Variants in LILRB1 observed in about 807,000 individuals in gnomAD.
LILRB1 encodes leukocyte immunoglobulin like receptor B1, also known as leukocyte immunoglobulin-like receptor subfamily B member 1.
LILRB1 carries 59 observed loss-of-function variants against 74.6 expected under a neutral mutation model. That is an observed-to-expected ratio of 0.79 (90% CI 0.64 to 0.98). The LOEUF is 0.98. Ranked by LOEUF, LILRB1 falls within the 50% of genes least tolerant of loss-of-function variation. The pLI is 0.00. For synonymous variants in LILRB1, 328 were observed against 333.9 expected (o/e 0.98, Z 0.19); for missense variants, 804 against 822.6 (o/e 0.98, Z 0.28).
At position 54,632,583 on chromosome 19, in the gene LILRB1, G is replaced by C; in HGVS notation, c.781G>C (p.Gly261Arg). Reference sequence around the variant, plus strand: ...CAACAGATTTGTTCTGTATAAGGACGGGGAACGTGACTTCCTTCAGCTCGC... The same window carrying C: ...CAACAGATTTGTTCTGTATAAGGACCGGGAACGTGACTTCCTTCAGCTCGC... ...GYNRFVLYKD[G>R]ERDFLQLAGA... The change falls in exon 6 of 15, where the codon GGG (glycine) becomes CGG (arginine). Residue 261 changes from glycine (G) to arginine (R), a missense_variant. By Grantham distance (125) the Gly-to-Arg change is moderately radical. Transcript: ENST00000324602. 3 of 1,614,114 alleles carry C rather than the reference G, an allele frequency of 1.9e-6. No individual in the cohort carries two copies. The highest frequency in any genetic ancestry group is 2.5e-6 in the Non-Finnish European group (3 of 1,180,002).
chr19:54,622,085 T>A (rs1380686238), intron 1 of LILRB1, among the ~76,000 whole-genome samples: 1 of 152,240 alleles, frequency 6.6e-6, no homozygotes, highest in Non-Finnish European at 1.5e-5. Context: ...TTAGTTACTA[T>A]GGCCTTATAG....
chr19:54,631,256 G>A lies in LILRB1; in HGVS notation c.35-15G>A, dbSNP rs1203592752. 2 of 1,613,832 alleles carry A rather than the reference G, an allele frequency of 1.2e-6. No homozygotes were observed. Among genetic ancestry groups the A allele is most frequent in the East Asian group, 2.2e-5 (1 of 44,878 alleles). Reference sequence around the variant, plus strand: ...GCTTCAGGGGGCAAATCCCTCACCGGGAACTCTCTTCCAGGGCTGAGTCTG... The same window carrying A: ...GCTTCAGGGGGCAAATCCCTCACCGAGAACTCTCTTCCAGGGCTGAGTCTG... On this transcript the variant is annotated splice_polypyrimidine_tract_variant and intron_variant, in intron 2 of 14. Coordinates refer to ENST00000324602, the MANE Select transcript of LILRB1 (RefSeq NM_001081637.3).
Position 54,633,993 on chromosome 19 carries a change from C to T in LILRB1, c.1335C>T (p.Leu445=). 2.5e-6 allele frequency: 4 copies of T among 1,598,156 alleles called. No individual in the cohort carries two copies. Among genetic ancestry groups the T allele is most frequent in the Non-Finnish European group, 3.4e-6 (4 of 1,172,410 alleles). ...CAGCAGGCCCTGAGGACCAGCCCCT[C>T]ACCCCCACCGGGTCGGATCCCCAGA... The part of the protein sequence containing the change: ...STSAGPEDQP[L]TPTGSDPQSG... Residue 445 remains leucine (L), a synonymous_variant, in exon 9 of 15, where the codon CTC becomes CTT. Transcript: ENST00000324602.
At chr19:54,630,104 C>T (rs1209820979), upstream of LILRB1, among the ~76,000 whole-genome samples, 4 of 152,256 alleles carry the variant, frequency 2.6e-5, no homozygotes, top group Admixed American at 2.6e-4. Context: ...ACCACTGTCA[C>T]GAGTGGGATT....
chr19:54,631,325 C>T lies in LILRB1; in HGVS notation c.70+19C>T. 1 of 1,542,364 alleles carries T rather than the reference C, an allele frequency of 6.5e-7. No individual in the cohort carries two copies. The highest frequency in any genetic ancestry group is 8.8e-7 in the Non-Finnish European group (1 of 1,133,574). ...CAGGCAGGTGAGTCTGTCCCCAGCTCTTCCAGGTCCCTCCTCCTCACTGGG... is the reference window on the plus strand; with the variant it reads ...CAGGCAGGTGAGTCTGTCCCCAGCTTTTCCAGGTCCCTCCTCCTCACTGGG... On this transcript the variant is annotated intron_variant, in intron 3 of 14. Coordinates refer to ENST00000324602, the MANE Select transcript of LILRB1 (RefSeq NM_001081637.3).
intron 10 of LILRB1, 62 bp downstream of exon 10, chr19:54,634,825 G>C (rs1182075956): frequency 1.9e-6 from 3 of 1,587,140 alleles, no homozygotes; most frequent in Non-Finnish European, 1.7e-6. Flanking sequence ...CACAGCCAAA[G>C]AGAATCCAAA....
At position 54,633,008 on chromosome 19, in the gene LILRB1, C is replaced by T. The variant is rs2064034618; in HGVS notation, c.959-8C>T. 1.2e-6 allele frequency: 2 copies of T among 1,609,146 alleles called. No homozygotes were observed. Among genetic ancestry groups the T allele is most frequent in the South Asian group, 1.1e-5 (1 of 90,958 alleles). On this transcript the variant is annotated splice_polypyrimidine_tract_variant and splice_region_variant and intron_variant, in intron 6 of 14. Transcript: ENST00000324602. ...GGGCAGCCCCTCGCCCATCCTTCTTCTCTCCAGGACAGTTCTATGACAGAG... is the reference window on the plus strand; with the variant it reads ...GGGCAGCCCCTCGCCCATCCTTCTTTTCTCCAGGACAGTTCTATGACAGAG...
At chr19:54,623,542 T>A (rs1458277645) in intron 1 of LILRB1, among the ~76,000 whole-genome samples, 1 of 152,240 alleles carries the variant, frequency 6.6e-6, no homozygotes, top group Admixed American at 6.5e-5. Flanking sequence ...TATTTAAATC[T>A]TCTCCTTTTT....
rs115924372 is a variant in LILRB1 at position 54,623,493 on chromosome 19, G to A, written c.-166+6144G>A. Among the ~76,000 whole-genome samples the A allele has an allele frequency of 2.1e-3, 323 of 152,218 alleles. 2 individuals carry two copies. Among genetic ancestry groups the A allele is most frequent in the African/African-American group, 7.3e-3 (302 of 41,520 alleles). On this transcript the variant is annotated intron_variant, in intron 1 of 15. Coordinates refer to the LILRB1 transcript ENST00000396331. Reference sequence around the variant, plus strand: ...TGATGGTCATTTGTATTTCTGTGGCGTTGGTTGTAATGTCAACTTTATCAT... The same window carrying A: ...TGATGGTCATTTGTATTTCTGTGGCATTGGTTGTAATGTCAACTTTATCAT...
intron 1 of LILRB1, among the ~76,000 whole-genome samples, chr19:54,619,178 A>T (rs964823764): frequency 1.7e-4 from 26 of 152,160 alleles, no homozygotes; most frequent in African/African-American, 5.3e-4. Flanking sequence ...GGTAAAAAAG[A>T]TGAAAAGGAA....
chr19:54,636,975 T>C lies in LILRB1; in HGVS notation c.*97T>C. On this transcript the variant is annotated 3_prime_UTR_variant, in exon 15 of 15. Transcript: ENST00000324602. The stretch of plus-strand genomic sequence containing the variant: ...CATTGGACCCCACCCAGCCTGGATC[T>C]ACCCCAGGAGACTCTGGGAACTTTT... 6.6e-7 allele frequency: 1 copy of C among 1,514,016 alleles called. No individual in the cohort carries two copies. Among genetic ancestry groups the C allele is most frequent in the South Asian group, 1.2e-5 (1 of 82,908 alleles). 93.8% of individuals were successfully genotyped at this position (1,514,016 alleles called of 1,614,324 possible). A position where few individuals can be genotyped will look rare whatever the true frequency, so the allele number is the denominator to read the frequency against.
intron 9 of LILRB1, chr19:54,634,409 C>A (rs888386146): frequency 6.5e-7 from 1 of 1,530,290 alleles, no homozygotes; most frequent in South Asian, 1.2e-5. Context: ...GCAGGTCAGA[C>A]TCCTGGGCTT....
rs1386071619 is a variant in LILRB1 at position 54,637,004 on chromosome 19, G to A, written c.*126G>A. 2 of 1,180,210 alleles carry A rather than the reference G, an allele frequency of 1.7e-6. No individual in the cohort carries two copies. Among genetic ancestry groups the A allele is most frequent in the East Asian group, 2.5e-5 (1 of 40,732 alleles). The allele number at this position is 1,180,210 out of a possible 1,614,324, so 73.1% of individuals were successfully genotyped here. A position where few individuals can be genotyped will look rare whatever the true frequency, so the allele number is the denominator to read the frequency against. ...CCAGGAGACTCTGGGAACTTTTAGG[G>A]GTCACTCAATTCTGCAGTATAAATA... On this transcript the variant is annotated 3_prime_UTR_variant, in exon 15 of 15. Coordinates refer to ENST00000324602, the MANE Select transcript of LILRB1 (RefSeq NM_001081637.3).
chr19:54,622,034 C>A (rs951997731), intron 1 of LILRB1, among the ~76,000 whole-genome samples: 3 of 152,016 alleles, frequency 2.0e-5, no homozygotes, highest in African/African-American at 7.2e-5. Flanking sequence ...TATTCTGTTC[C>A]CTTGATGTCT....
chr19:54,620,386 G>A (rs1273876920), intron 1 of LILRB1, among the ~76,000 whole-genome samples: 2 of 151,866 alleles, frequency 1.3e-5, no homozygotes, highest in Admixed American at 1.3e-4. Flanking sequence ...ATGGAGTCTT[G>A]CTCTGTTGCC....
At chr19:54,623,578 C>T (rs2063507174) in intron 1 of LILRB1, among the ~76,000 whole-genome samples, 1 of 152,160 alleles carries the variant, frequency 6.6e-6, no homozygotes, top group Admixed American at 6.5e-5. Flanking sequence ...AGCCATCTCT[C>T]AATTTTATTT....
chr19:54,619,972 G>A (rs1452591721), intron 1 of LILRB1, among the ~76,000 whole-genome samples: 1 of 136,120 alleles, frequency 7.3e-6, no homozygotes, highest in African/African-American at 2.7e-5. Flanking sequence ...TTTTTCACTT[G>A]AAATTTGGGT....
Position 54,631,683 on chromosome 19 carries a change from T to A in LILRB1, c.254T>A (p.Ile85Asn), listed in dbSNP as rs2063867962. The A allele has an allele frequency of 6.2e-7, 1 of 1,613,934 alleles. No homozygotes were observed. ...QELVKKGQFP[I>N]PSITWEHTGR... The stretch of plus-strand genomic sequence containing the variant: ...CTTGTGAAGAAGGGCCAGTTCCCCA[T>A]CCCATCCATCACCTGGGAACACACA... Residue 85 changes from isoleucine to asparagine, a missense_variant, in exon 4 of 15, where the codon ATC becomes AAC. Coordinates refer to ENST00000324602, the MANE Select transcript of LILRB1 (RefSeq NM_001081637.3).
chr19:54,630,717 C>T, intron 1 of LILRB1, 84 bp downstream of exon 1: 1 of 755,754 alleles, frequency 1.3e-6, no homozygotes, highest in Admixed American at 2.0e-5. Context: ...GAAGGAGATG[C>T]CTCCGCTACC....
Sources: allele counts gnomAD v4.1 joint callset (sites outside exome capture counted in the v4.1 genomes callset), GRCh38; gene constraint gnomAD v4.1.1; transcripts MANE v1.5; gene names NCBI Gene and HGNC (gene_info 2026-07-23, HGNC 2026-07-21).